Variants in GLIPR2 observed in about 807,000 individuals in gnomAD.
GLIPR2 encodes Golgi-associated plant pathogenesis-related protein 1.
In GLIPR2, 21 loss-of-function variants were observed where a neutral mutation model predicts 20.4. That is an observed-to-expected ratio of 1.03 (90% CI 0.73 to 1.48). The LOEUF (loss-of-function observed/expected upper bound fraction) is 1.48. Among genes scored for constraint, GLIPR2 ranks in the 40% most tolerant of loss-of-function variants. GLIPR2 has a pLI of 0.00. For synonymous variants in GLIPR2, 91 were observed against 80.5 expected, an observed-to-expected ratio of 1.13 and a Z score of -0.70; for missense variants, 205 against 200.1, an observed-to-expected ratio of 1.02 and a Z score of -0.15.
chr9:36,148,145 G>A (rs1448687043), intron 2 of GLIPR2, among the ~76,000 whole-genome samples: 3 of 152,190 alleles, frequency 2.0e-5, no homozygotes, highest in African/African-American at 7.2e-5. Context: ...CTACTCGAGA[G>A]GCTGAGGCAG....
At chr9:36,155,111 A>G (rs1825773868) in intron 4 of GLIPR2, among the ~76,000 whole-genome samples, 1 of 152,244 alleles carries the variant, frequency 6.6e-6, no homozygotes, top group Admixed American at 6.5e-5. Flanking sequence ...ACAGCAGTTA[A>G]TACAAGTTTA....
At position 36,148,588 on chromosome 9, in the gene GLIPR2, GC is replaced by G. The variant is rs746997969; in HGVS notation, c.167del (p.Pro56ArgfsTer111). On this transcript the variant is annotated frameshift_variant, in exon 3 of 5. Coordinates refer to ENST00000377960, the MANE Select transcript of GLIPR2 (RefSeq NM_022343.4). LOFTEE classifies it high-confidence loss of function. Reference sequence around the variant, plus strand: ...GCCAGCACGAGGATCCTCAAGCACAGCCCGGAGTCCAGCCGTGGCCAGTGTG... The same window carrying G: ...GCCAGCACGAGGATCCTCAAGCACAGCCGGAGTCCAGCCGTGGCCAGTGTG... ...ALASTRILKH[S>X]PESSRGQCGE... 6.2e-7 allele frequency: 1 copy of G among 1,614,132 alleles called. No individual in the cohort carries two copies. Among genetic ancestry groups the G allele is most frequent in the Non-Finnish European group, 8.5e-7 (1 of 1,179,966 alleles).
intron 3 of GLIPR2, 83 bp downstream of exon 3, chr9:36,148,733 A>G (rs1036373930): frequency 2.3e-6 from 2 of 871,576 alleles, no homozygotes; most frequent in African/African-American, 3.3e-5. Flanking sequence ...TGGCCCCAGC[A>G]CCCTCGTGGT....
Position 36,151,188 on chromosome 9 carries a change from G to A in GLIPR2, c.304+239G>A, listed in dbSNP as rs1188749319. On this transcript the variant is annotated intron_variant, in intron 4 of 4. Coordinates refer to ENST00000377960, the MANE Select transcript of GLIPR2 (RefSeq NM_022343.4). ...TGAGGGCCACCAGCTGGTGAATCCT[G>A]CCCCACCAGCTCAGAGCTCTTCCCA... Among the ~76,000 whole-genome samples the A allele has an allele frequency of 2.0e-5, 3 of 152,102 alleles. No homozygotes were observed. In the East Asian group the frequency reaches 5.8e-4, roughly 29 times the overall value.
chr9:36,150,972 T>A, intron 4 of GLIPR2, 23 bp downstream of exon 4: 1 of 1,571,426 alleles, frequency 6.4e-7, no homozygotes, highest in Non-Finnish European at 8.8e-7. Context: ...GTCTCACCAG[T>A]GGCCTGGCCC....
intron 1 of GLIPR2, among the ~76,000 whole-genome samples, chr9:36,142,669 C>G (rs947632491): frequency 6.6e-6 from 1 of 152,122 alleles, no homozygotes; most frequent in Non-Finnish European, 1.5e-5. Context: ...GGAGGGCTCT[C>G]CCTGCCTAAC....
intron 1 of GLIPR2, among the ~76,000 whole-genome samples, chr9:36,139,825 G>GGA (rs1227721158): frequency 1.3e-5 from 2 of 152,148 alleles, no homozygotes; most frequent in Non-Finnish European, 2.9e-5. Context: ...TCCCAGCTGT[G>GGA]GTTTCTCTGC....
At chr9:36,161,641 G>C (rs950870081) in intron 4 of GLIPR2, among the ~76,000 whole-genome samples, 3 of 152,104 alleles carry the variant, frequency 2.0e-5, no homozygotes, top group Admixed American at 6.5e-5. Context: ...GAAACCAAAA[G>C]GGGGAGGGGT....
chr9:36,137,664 A>G (rs1824886963), intron 1 of GLIPR2, among the ~76,000 whole-genome samples: 1 of 152,024 alleles, frequency 6.6e-6, no homozygotes, highest in South Asian at 2.1e-4. Context: ...TCAGCCATAG[A>G]CCTGTTTCCC....
At chr9:36,141,917 C>T (rs1825105490) in intron 1 of GLIPR2, 1 of 455,474 alleles carries the variant, frequency 2.2e-6, no homozygotes, top group Admixed American at 2.4e-5. Flanking sequence ...TGCAGCCCCA[C>T]CTAGGACACC....
At position 36,163,583 on chromosome 9, in the gene GLIPR2, A is replaced by AG; in HGVS notation, c.*1066dup. On this transcript the variant is annotated 3_prime_UTR_variant, in exon 5 of 5. Coordinates refer to ENST00000377960, the MANE Select transcript of GLIPR2 (RefSeq NM_022343.4). Reference sequence around the variant, plus strand: ...AATGTTCCGGGGAGGCGGCCGGGGCAGGGGGCTTAGAAGTGCTAATATGGT... The same window carrying AG: ...AATGTTCCGGGGAGGCGGCCGGGGCAGGGGGGCTTAGAAGTGCTAATATGGT... The AG allele has an allele frequency of 6.5e-6, 1 of 153,474 alleles. No homozygotes were observed. The highest frequency in any genetic ancestry group is 6.5e-5 in the Admixed American group (1 of 15,326). The allele number at this position is 153,474 out of a possible 1,614,324, so 9.5% of individuals were successfully genotyped here.
rs61572959 is a variant in GLIPR2 at position 36,154,101 on chromosome 9, T to TCC, written c.304+3160_304+3161dup. On this transcript the variant is annotated intron_variant, in intron 4 of 4. Transcript: ENST00000377960. ...TTATATATTATATATATATATCTTT[T>TCC]CCCCCCCCCTTTGAGACCGAGTCTC... 4.4e-4 allele frequency among the ~76,000 whole-genome samples: 60 copies of TCC among 137,380 alleles called. 1 individual carries two copies. The highest frequency in any genetic ancestry group is 7.2e-3 in the Middle Eastern group (2 of 276). 90.1% of individuals were successfully genotyped at this position (137,380 alleles called of 152,430 possible).
intron 1 of GLIPR2, among the ~76,000 whole-genome samples, chr9:36,141,301 C>T (rs537010197): frequency 4.0e-5 from 6 of 151,628 alleles, no homozygotes; most frequent in African/African-American, 7.3e-5. Flanking sequence ...TTGAAATTCC[C>T]GGATCCGGCT....
At chr9:36,152,750 CAAAA>C (rs1217889590) in intron 4 of GLIPR2, among the ~76,000 whole-genome samples, 16 of 41,630 alleles carry the variant, frequency 3.8e-4, no homozygotes, top group African/African-American at 1.7e-3. Context: ...AACTCTGTCT[CAAAA>C]AAAAAAAAAA....
chr9:36,152,385 C>T (rs540113038), intron 4 of GLIPR2, among the ~76,000 whole-genome samples: 2 of 152,188 alleles, frequency 1.3e-5, no homozygotes, highest in African/African-American at 4.8e-5. Context: ...CTTCAGCAAT[C>T]GGACATGTGT....
chr9:36,154,244 T>C (rs892492340), intron 4 of GLIPR2, among the ~76,000 whole-genome samples: 10 of 151,966 alleles, frequency 6.6e-5, no homozygotes, highest in African/African-American at 1.7e-4. Context: ...TTATATGATA[T>C]GAACACTGAG....
Position 36,162,144 on chromosome 9 carries a change from C to A in GLIPR2, c.305-218C>A. 3.4e-6 allele frequency: 4 copies of A among 1,173,036 alleles called. No homozygotes were observed. In the South Asian group the frequency reaches 6.2e-5, roughly 18 times the overall value. The allele number at this position is 1,173,036 out of a possible 1,614,324, so 72.7% of individuals were successfully genotyped here. On this transcript the variant is annotated intron_variant, in intron 4 of 4. Transcript: ENST00000377960. ...GAGCCAAGATCATGCCACTGCACTC[C>A]AGCCTGGGTTACAGAGCGAGACTCC...
intron 1 of GLIPR2, among the ~76,000 whole-genome samples, chr9:36,143,825 G>C (rs2132722431): frequency 6.6e-6 from 1 of 152,318 alleles, no homozygotes; most frequent in South Asian, 2.1e-4. Context: ...TTGGTCGCCA[G>C]AAAGCTTTGA....
intron 4 of GLIPR2, among the ~76,000 whole-genome samples, chr9:36,154,843 C>T (rs912937202): frequency 1.3e-5 from 2 of 152,188 alleles, no homozygotes; most frequent in African/African-American, 4.8e-5. Context: ...TAATTATTTT[C>T]TTGGCAACCA....
Sources: allele counts gnomAD v4.1 joint callset (sites outside exome capture counted in the v4.1 genomes callset), GRCh38; gene constraint gnomAD v4.1.1; transcripts MANE v1.5; gene names NCBI Gene and HGNC (gene_info 2026-07-23, HGNC 2026-07-21).